NADK: variants seen among roughly 807,000 people sequenced by gnomAD.
NADK encodes poly(P)/ATP NAD kinase.
Under a neutral mutation model 49.8 loss-of-function variants are expected in NADK, and 22 were observed. The ratio of observed to expected loss-of-function variants is 0.44; its 90% CI spans 0.32 to 0.63. NADK has a LOEUF of 0.63. NADK is among the 30% of genes least tolerant of loss of function. The pLI, the probability that NADK is intolerant of heterozygous loss-of-function variation, is 0.06. For missense variants in NADK, 438 were observed against 609.4 expected (o/e 0.72, Z 2.96); for synonymous variants, 268 against 253.7 (o/e 1.06, Z -0.54).
chr1:1,761,758 C>T, intron 3 of NADK, 194 bp downstream of exon 3: 1 of 540,992 alleles, frequency 1.8e-6, no homozygotes, highest in Non-Finnish European at 3.3e-6. Flanking sequence ...GGAGGACGCC[C>T]ATGTGGCTTT....
intron 2 of NADK, among the ~76,000 whole-genome samples, chr1:1,764,832 C>T (rs577007439): frequency 5.3e-5 from 8 of 152,274 alleles, no homozygotes; most frequent in South Asian, 4.1e-4. Flanking sequence ...ACCTGGGAGG[C>T]GGAGGTTGCA....
intron 1 of NADK, among the ~76,000 whole-genome samples, chr1:1,769,951 G>T (rs143024659): frequency 4.6e-5 from 7 of 151,536 alleles, no homozygotes; most frequent in African/African-American, 1.7e-4. Context: ...AGTGGCTCTT[G>T]CCTGTAATCC....
chr1:1,753,457 G>A, intron 11 of NADK, 110 bp downstream of exon 11: 1 of 840,772 alleles, frequency 1.2e-6, no homozygotes, highest in Non-Finnish European at 1.9e-6. Context: ...CAGGCCCTGT[G>A]GTGCCCTAGG....
At chr1:1,753,788 C>A (rs1393891043) in intron 10 of NADK, 139 bp from the exon 11 acceptor site, 1 of 834,596 alleles carries the variant, frequency 1.2e-6, no homozygotes, top group Non-Finnish European at 1.9e-6. Flanking sequence ...GCACGTCCTA[C>A]AGGCACCGGC....
At chr1:1,755,047 T>C (rs541791652) in intron 7 of NADK, among the ~76,000 whole-genome samples, 3 of 152,190 alleles carry the variant, frequency 2.0e-5, no homozygotes, top group Non-Finnish European at 4.4e-5. Context: ...GTCTCATCTC[T>C]TGACCTCGTG....
In NADK at chr1:1,757,115, G is replaced by A. The variant is rs750752560; in HGVS notation, c.393+66C>T. The A allele has an allele frequency of 7.8e-6, 12 of 1,544,720 alleles. No homozygotes were observed. In the African/African-American group the frequency reaches 1.6e-4, roughly 21 times the overall value. ...GGTTCCCATGGTCTCACGGGGCGGT[G>A]ATGTGGATGGAGGCCCCCCCAACTC... On this transcript the variant is annotated intron_variant, in intron 4 of 11. Transcript: ENST00000341426.
At chr1:1,760,544 GC>G (rs1261834753) in intron 3 of NADK, among the ~76,000 whole-genome samples, 1 of 152,130 alleles carries the variant, frequency 6.6e-6, no homozygotes, top group African/African-American at 2.4e-5. Context: ...TGCAGTGGCC[GC>G]CCCCGTATCA....
Position 1,755,488 on chromosome 1 carries a change from C to G in NADK, c.586-12G>C, listed in dbSNP as rs764287623. On this transcript the variant is annotated splice_polypyrimidine_tract_variant and intron_variant, in intron 6 of 11. Coordinates refer to ENST00000341426, the MANE Select transcript of NADK (RefSeq NM_023018.5). The stretch of plus-strand genomic sequence containing the variant: ...GGAGGGACGCTGCCCTGTGAGCCGA[C>G]GGAGAGGTCACTCAGTGCCCACGCC... 10 of 1,609,320 alleles carry G rather than the reference C, an allele frequency of 6.2e-6. No homozygotes were observed. Among genetic ancestry groups the G allele is most frequent in the Non-Finnish European group, 8.5e-6 (10 of 1,176,284 alleles).
intron 3 of NADK, chr1:1,758,574 C>A (rs1322384520): frequency 2.2e-5 from 34 of 1,524,864 alleles, no homozygotes; most frequent in Non-Finnish European, 3.0e-5. Flanking sequence ...AGCCTAAGCT[C>A]TTCATACTCA....
At chr1:1,758,770 C>G (rs1400562633) in intron 3 of NADK, 1 of 521,144 alleles carries the variant, frequency 1.9e-6, no homozygotes. Flanking sequence ...AGAGGCCACA[C>G]TTCAGCTCCC....
Position 1,754,987 on chromosome 1 carries a change from A to G in NADK, c.689-289T>C. The stretch of plus-strand genomic sequence containing the variant: ...CGGGTGCGCACCACCACGCCCAGCT[A>G]ATTTTTGTATTTTTAGTAGAGACGG... On this transcript the variant is annotated intron_variant, in intron 7 of 11. Transcript: ENST00000341426. This position sits in a 1 kb window ranked among gnomAD's most constrained non-coding sequence, Gnocchi z 4.3. 1 of 411,114 alleles carries G rather than the reference A, an allele frequency of 2.4e-6. No individual in the cohort carries two copies. The highest frequency in any genetic ancestry group is 3.0e-5 in the South Asian group (1 of 33,054). 25.5% of individuals were successfully genotyped at this position (411,114 alleles called of 1,614,324 possible). A position where few individuals can be genotyped will look rare whatever the true frequency, so the allele number is the denominator to read the frequency against.
chr1:1,754,968 C>T lies in NADK; in HGVS notation c.689-270G>A, dbSNP rs191653903. On this transcript the variant is annotated intron_variant, in intron 7 of 11. Coordinates refer to ENST00000341426, the MANE Select transcript of NADK (RefSeq NM_023018.5). The surrounding 1 kb of genome is among the most constrained non-coding windows in gnomAD (Gnocchi z 4.3). ...TCCCAAGTAGCTGGAACTACGGGTG[C>T]GCACCACCACGCCCAGCTAATTTTT... 24 of 444,578 alleles carry T rather than the reference C, an allele frequency of 5.4e-5. No homozygotes were observed. The highest frequency in any genetic ancestry group is 3.6e-4 in the East Asian group (8 of 22,376). The allele number at this position is 444,578 out of a possible 1,614,324, so 27.5% of individuals were successfully genotyped here. A position where few individuals can be genotyped will look rare whatever the true frequency, so the allele number is the denominator to read the frequency against.
intron 1 of NADK, among the ~76,000 whole-genome samples, chr1:1,767,672 A>C (rs1044768099): frequency 6.6e-6 from 1 of 152,038 alleles, no homozygotes. Flanking sequence ...GTCCTCCCCA[A>C]ATTTATTTTT....
chr1:1,775,007 G>A (rs1646170928), intron 1 of NADK, among the ~76,000 whole-genome samples: 1 of 152,054 alleles, frequency 6.6e-6, no homozygotes, highest in African/African-American at 2.4e-5. Context: ...TACTCAGGAG[G>A]CCGAGGCAGG....
At position 1,753,474 on chromosome 1, in the gene NADK, G is replaced by A. The variant is rs937374549; in HGVS notation, c.1184+93C>T. 3.9e-5 allele frequency: 40 copies of A among 1,028,092 alleles called. 1 individual carries two copies. The Middle Eastern group carries it at 8.9e-4, about 23-fold the overall frequency. The allele number at this position is 1,028,092 out of a possible 1,614,324, so 63.7% of individuals were successfully genotyped here. The stretch of plus-strand genomic sequence containing the variant: ...GGCCCTGTGGTGCCCTAGGGGACAA[G>A]CTGTGTCTACAGGCCAACCGCAAGA... On this transcript the variant is annotated intron_variant, in intron 11 of 11. Coordinates refer to ENST00000341426, the MANE Select transcript of NADK (RefSeq NM_023018.5).
intron 1 of NADK, among the ~76,000 whole-genome samples, chr1:1,773,727 T>A (rs376697681): frequency 0.69 from 89,515 of 130,150 alleles, 31,650 homozygotes; most frequent in Non-Finnish European, 0.79. Context: ...TGTGTGTGTG[T>A]GTGAGAGAGA....
intron 1 of NADK, among the ~76,000 whole-genome samples, chr1:1,771,973 A>AT (rs34024968): frequency 0.64 from 91,789 of 143,494 alleles, 31,128 homozygotes; most frequent in Non-Finnish European, 0.77. Context: ...ACACCTGGAA[A>AT]TTTTTTTTTT....
At chr1:1,759,740 C>T (rs1397634782) in intron 3 of NADK, 2 of 1,553,986 alleles carry the variant, frequency 1.3e-6, no homozygotes, top group Admixed American at 3.9e-5. Flanking sequence ...CCACCGCTTC[C>T]TCCTGCGGGG....
At position 1,759,722 on chromosome 1, in the gene NADK, C is replaced by T. The variant is rs1294805292; in HGVS notation, c.263+2230G>A. 1.9e-6 allele frequency: 3 copies of T among 1,551,362 alleles called. No individual in the cohort carries two copies. The African/African-American group carries it at 4.1e-5, about 21-fold the overall frequency. On this transcript the variant is annotated intron_variant, in intron 3 of 11. Transcript: ENST00000341426. ...AAGCTGCATGCCCCTCAAGGCTGCC[C>T]CACAAACCCACCGCTTCCTCCTGCG...
Sources: gnomAD v4.1 joint callset for allele counts (sites outside exome capture counted in the v4.1 genomes callset) on GRCh38, gnomAD v4.1.1 for gene constraint, Gnocchi (gnomAD v3.1) non-coding constraint, MANE v1.5 for transcripts, NCBI Gene and HGNC (gene_info 2026-07-23, HGNC 2026-07-21) for gene names.